Variants in CDH13 observed in about 807,000 individuals in gnomAD.
The protein encoded by CDH13 is cadherin 13.
CDH13 carries 24 observed loss-of-function variants against 63.8 expected under a neutral mutation model. That is an observed-to-expected ratio of 0.38 (90% confidence interval 0.27 to 0.53). The LOEUF is 0.53. CDH13 is among the 20% of genes least tolerant of loss of function. The pLI, the probability that CDH13 is intolerant of heterozygous loss-of-function variation, is 0.85. For missense variants in CDH13, 1,049 were observed against 903.1 expected (o/e 1.16, Z -2.07); for synonymous variants, 503 against 355.3 (o/e 1.42, Z -4.67).
intron 1 of CDH13, among the ~76,000 whole-genome samples, chr16:82,737,327 C>T (rs970928695): frequency 2.6e-5 from 4 of 152,194 alleles, no homozygotes; most frequent in Admixed American, 2.0e-4. Flanking sequence ...CAGATGGACC[C>T]AGGGGTCATG....
intron 1 of CDH13, among the ~76,000 whole-genome samples, chr16:82,781,804 G>T (rs192015341): frequency 6.6e-6 from 1 of 152,234 alleles, no homozygotes; most frequent in East Asian, 1.9e-4. Context: ...CATATAAGTC[G>T]CAGTTCTGTC....
chr16:82,640,114 A>T (rs947847079), intron 1 of CDH13, among the ~76,000 whole-genome samples: 1 of 152,220 alleles, frequency 6.6e-6, no homozygotes, highest in Non-Finnish European at 1.5e-5. Context: ...TAAATATGGT[A>T]GTTTTGCGTA....
At chr16:83,004,719 C>T (rs925808938) in intron 2 of CDH13, among the ~76,000 whole-genome samples, 11 of 152,166 alleles carry the variant, frequency 7.2e-5, no homozygotes, top group Non-Finnish European at 1.5e-4. Flanking sequence ...CCTCAAACTC[C>T]TGACCTCAAG....
chr16:83,054,796 T>C (rs1184597535), intron 3 of CDH13, among the ~76,000 whole-genome samples: 3 of 152,148 alleles, frequency 2.0e-5, no homozygotes, highest in East Asian at 1.9e-4. Context: ...AGTCTAAATA[T>C]AAAAAAGAGT....
chr16:83,285,510 G>GAA (rs149302851), intron 5 of CDH13, among the ~76,000 whole-genome samples: 14 of 147,116 alleles, frequency 9.5e-5, no homozygotes, highest in African/African-American at 3.0e-4. Flanking sequence ...AATATTCAGG[G>GAA]AAAAAAAAAC....
intron 3 of CDH13, among the ~76,000 whole-genome samples, chr16:83,115,900 C>A (rs537428953): frequency 6.6e-6 from 1 of 152,340 alleles, no homozygotes; most frequent in Admixed American, 6.5e-5. Flanking sequence ...GACAAATTAT[C>A]TGGACACTGT....
At chr16:83,306,922 T>C (rs1316438241) in intron 5 of CDH13, among the ~76,000 whole-genome samples, 2 of 152,160 alleles carry the variant, frequency 1.3e-5, no homozygotes. Context: ...TCCGTAAAGT[T>C]GTGGAAAGAA....
At chr16:82,900,929 C>T (rs1567644434) in intron 2 of CDH13, among the ~76,000 whole-genome samples, 1 of 152,156 alleles carries the variant, frequency 6.6e-6, no homozygotes, top group Non-Finnish European at 1.5e-5. Context: ...AGCACTAAAT[C>T]CCAGGAATGG....
intron 5 of CDH13, among the ~76,000 whole-genome samples, chr16:83,243,045 C>G (rs1904622338): frequency 6.6e-6 from 1 of 152,152 alleles, no homozygotes; most frequent in Non-Finnish European, 1.5e-5. Flanking sequence ...GGTTAAGTAG[C>G]TTACCTAAGA....
chr16:82,680,852 A>C (rs1372797434), intron 1 of CDH13, among the ~76,000 whole-genome samples: 2 of 152,212 alleles, frequency 1.3e-5, no homozygotes, highest in Admixed American at 1.3e-4. Flanking sequence ...AGGACCGCCT[A>C]ACCTGGGTGG....
intron 2 of CDH13, among the ~76,000 whole-genome samples, chr16:82,964,024 G>A (rs1181477690): frequency 6.6e-6 from 1 of 152,110 alleles, no homozygotes; most frequent in African/African-American, 2.4e-5. Context: ...GCGGGCTTTT[G>A]AGACCTCCCG....
intron 6 of CDH13, among the ~76,000 whole-genome samples, chr16:83,357,200 G>C (rs906334901): frequency 1.3e-5 from 2 of 152,162 alleles, no homozygotes. Context: ...TTTGCCATCT[G>C]TTCCTCTCCT....
At chr16:83,353,908 G>A (rs892303886) in intron 6 of CDH13, among the ~76,000 whole-genome samples, 7 of 152,222 alleles carry the variant, frequency 4.6e-5, no homozygotes, top group African/African-American at 9.6e-5. Flanking sequence ...GGCCCAAGCC[G>A]GGAGTCATCC....
chr16:83,089,579 C>T (rs1303201773), intron 3 of CDH13, among the ~76,000 whole-genome samples: 3 of 152,190 alleles, frequency 2.0e-5, no homozygotes, highest in African/African-American at 2.4e-5. Context: ...GGGCTTGGTG[C>T]CTGCTCTGGA....
At chr16:83,466,721 A>G (rs1382512822) in intron 6 of CDH13, among the ~76,000 whole-genome samples, 1 of 152,224 alleles carries the variant, frequency 6.6e-6, no homozygotes, top group Non-Finnish European at 1.5e-5. Flanking sequence ...AGTTTGGAAC[A>G]CACATTCAGG....
chr16:82,666,846 C>G (rs1211030203), intron 1 of CDH13, among the ~76,000 whole-genome samples: 1 of 152,166 alleles, frequency 6.6e-6, no homozygotes, highest in Admixed American at 6.5e-5. Flanking sequence ...TCCCACCATC[C>G]AAACGATGCT....
chr16:83,491,864 C>G (rs754315775), intron 7 of CDH13, among the ~76,000 whole-genome samples: 2 of 152,086 alleles, frequency 1.3e-5, no homozygotes, highest in African/African-American at 4.8e-5. Context: ...TTATAATGCC[C>G]AAATTTTTAG....
intron 1 of CDH13, among the ~76,000 whole-genome samples, chr16:82,687,113 C>T (rs544435959): frequency 1.3e-5 from 2 of 152,260 alleles, no homozygotes; most frequent in South Asian, 2.1e-4. Flanking sequence ...TTTAGGATTT[C>T]AGGGCTGCAG....
intron 1 of CDH13, among the ~76,000 whole-genome samples, chr16:82,815,391 G>A (rs376631725): frequency 2.6e-4 from 40 of 152,238 alleles, no homozygotes; most frequent in Admixed American, 6.5e-4. Flanking sequence ...ATTCTAAGGT[G>A]GTTGTGAGGA....
Sources: allele counts gnomAD v4.1 joint callset (sites outside exome capture counted in the v4.1 genomes callset), GRCh38; gene constraint gnomAD v4.1.1; transcripts MANE v1.5; gene names NCBI Gene and HGNC (gene_info 2026-07-23, HGNC 2026-07-21).